MIA2: variants seen among roughly 807,000 people sequenced by gnomAD.
MIA2 encodes MIA SH3 domain ER export factor 2, also known as melanoma inhibitory activity protein 2.
A neutral mutation model predicts 167.8 loss-of-function variants in MIA2; 127 were observed. The observed-to-expected ratio is 0.76, with a 90% CI of 0.66 to 0.88. The LOEUF is 0.88. Ranked by LOEUF, MIA2 falls within the 40% of genes least tolerant of loss-of-function variation. MIA2 has a pLI of 0.00. For missense variants in MIA2, 1,690 were observed against 1,624.7 expected (o/e 1.04, Z -0.69); for synonymous variants, 552 against 541.9 (o/e 1.02, Z -0.26).
chr14:39,285,008 CT>C (rs1354596905), intron 9 of MIA2, among the ~76,000 whole-genome samples: 1 of 152,162 alleles, frequency 6.6e-6, no homozygotes, highest in African/African-American at 2.4e-5. Flanking sequence ...TTGCACCGCC[CT>C]TAATCCATTG....
At chr14:39,363,848 T>C (rs2074754671) in intron 23 of MIA2, among the ~76,000 whole-genome samples, 1 of 152,226 alleles carries the variant, frequency 6.6e-6, no homozygotes, top group South Asian at 2.1e-4. Flanking sequence ...TTGGTTTCTC[T>C]TCACATGGAG....
intron 23 of MIA2, among the ~76,000 whole-genome samples, chr14:39,371,071 G>A (rs1206172089): frequency 6.6e-6 from 1 of 151,762 alleles, no homozygotes; most frequent in Admixed American, 6.6e-5. Context: ...TCATTTTTAT[G>A]TTACGTAGTC....
rs1204809056 is a variant in MIA2 at position 39,248,130 on chromosome 14, A to G, written c.1556A>G (p.Tyr519Cys). 6.8e-7 allele frequency: 1 copy of G among 1,462,988 alleles called. No homozygotes were observed. The highest frequency in any genetic ancestry group is 1.4e-5 in the African/African-American group (1 of 70,014). The allele number at this position is 1,462,988 out of a possible 1,614,324, so 90.6% of individuals were successfully genotyped here. A position where few individuals can be genotyped will look rare whatever the true frequency, so the allele number is the denominator to read the frequency against. The change falls in exon 4 of 29, where the codon TAC (tyrosine) becomes TGC (cysteine). Residue 519 changes from tyrosine (Y) to cysteine (C), a missense_variant. By Grantham distance (194) the Tyr-to-Cys change is radical. Transcript: ENST00000640607. ...AAAGTTATGATATTCAAAAGTTCATACAGTCTGTCAGGTTGGTATGAAAAT... is the reference window on the plus strand; with the variant it reads ...AAAGTTATGATATTCAAAAGTTCATGCAGTCTGTCAGGTTGGTATGAAAAT... ...NTKVMIFKSSYSLSDMVSNIE... is the reference protein window; with the variant it reads ...NTKVMIFKSSCSLSDMVSNIE...
At chr14:39,262,866 G>T (rs1192186164) in intron 6 of MIA2, among the ~76,000 whole-genome samples, 1 of 152,104 alleles carries the variant, frequency 6.6e-6, no homozygotes, top group Non-Finnish European at 1.5e-5. Flanking sequence ...CATTGATTTT[G>T]TATCCTGAGA....
chr14:39,300,591 C>T (rs1467769874), intron 14 of MIA2, among the ~76,000 whole-genome samples: 1 of 144,096 alleles, frequency 6.9e-6, no homozygotes, highest in Non-Finnish European at 1.5e-5. Flanking sequence ...AAGTGATGCT[C>T]TCACTCATAG....
chr14:39,306,349 G>C (rs2063337888), intron 17 of MIA2, among the ~76,000 whole-genome samples: 2 of 152,172 alleles, frequency 1.3e-5, no homozygotes, highest in Non-Finnish European at 2.9e-5. Context: ...TGCTTCTGGG[G>C]AGGTGTCAGG....
chr14:39,263,876 C>T (rs895129784), intron 6 of MIA2, among the ~76,000 whole-genome samples: 2 of 152,080 alleles, frequency 1.3e-5, no homozygotes, highest in Admixed American at 6.6e-5. Context: ...TCGAGTGATT[C>T]GCCCGCCTTG....
chr14:39,286,309 G>C (rs182961876), intron 9 of MIA2, among the ~76,000 whole-genome samples: 266 of 152,218 alleles, frequency 1.7e-3, no homozygotes, highest in Non-Finnish European at 2.9e-3. Context: ...GTCAGGTGTG[G>C]TGGCGCGCGC....
chr14:39,238,870 T>A (rs2053917540), intron 2 of MIA2, among the ~76,000 whole-genome samples: 1 of 150,664 alleles, frequency 6.6e-6, no homozygotes, highest in African/African-American at 2.4e-5. Flanking sequence ...AGCTTTAGTA[T>A]GCTGAAATTC....
At chr14:39,379,623 G>A (rs991058278) in intron 23 of MIA2, among the ~76,000 whole-genome samples, 2 of 152,006 alleles carry the variant, frequency 1.3e-5, no homozygotes, top group Non-Finnish European at 2.9e-5. Context: ...AGGCTGAGGC[G>A]GGTGGATCAC....
chr14:39,320,919 T>C lies in MIA2; in HGVS notation c.3368-9T>C. The C allele has an allele frequency of 6.2e-7, 1 of 1,608,762 alleles. No individual in the cohort carries two copies. The highest frequency in any genetic ancestry group is 8.5e-7 in the Non-Finnish European group (1 of 1,178,554). On this transcript the variant is annotated splice_polypyrimidine_tract_variant and intron_variant, in intron 23 of 28. Transcript: ENST00000640607. ...TATGAATTTAAATATGCTGTTTTAA[T>C]TATTCCAGAGCATTCCCCATATGGT...
intron 23 of MIA2, among the ~76,000 whole-genome samples, chr14:39,377,041 C>T (rs2139345283): frequency 6.6e-6 from 1 of 152,240 alleles, no homozygotes; most frequent in East Asian, 1.9e-4. Context: ...TTTCACATTT[C>T]TCCCCACTTT....
chr14:39,249,513 T>C (rs1191146960), intron 4 of MIA2, among the ~76,000 whole-genome samples: 1 of 151,656 alleles, frequency 6.6e-6, no homozygotes, highest in Non-Finnish European at 1.5e-5. Flanking sequence ...TTCTTTAAGT[T>C]TCAAGGTAAT....
At chr14:39,385,578 G>C (rs141014297) in intron 23 of MIA2, 1 of 812,788 alleles carries the variant, frequency 1.2e-6, no homozygotes, top group South Asian at 1.3e-5. Context: ...AGGCGGGTAA[G>C]GATGAAACAA....
chr14:39,254,264 T>C (rs532483433), intron 6 of MIA2, among the ~76,000 whole-genome samples: 1 of 152,310 alleles, frequency 6.6e-6, no homozygotes, highest in Non-Finnish European at 1.5e-5. Flanking sequence ...GGAGAGAATA[T>C]GGCACTTTTG....
chr14:39,300,328 G>A (rs1272681977), intron 14 of MIA2, among the ~76,000 whole-genome samples: 6 of 152,166 alleles, frequency 3.9e-5, no homozygotes, highest in East Asian at 3.9e-4. Flanking sequence ...TGGATGTATA[G>A]TTATATATAT....
At chr14:39,265,624 G>A (rs924829724) in intron 6 of MIA2, 5 of 433,340 alleles carry the variant, frequency 1.2e-5, no homozygotes, top group African/African-American at 8.3e-5. Context: ...CTTAGGGAGG[G>A]CAAAGGGAGG....
At chr14:39,241,559 A>G (rs1322981215) in intron 3 of MIA2, among the ~76,000 whole-genome samples, 1 of 152,172 alleles carries the variant, frequency 6.6e-6, no homozygotes, top group Non-Finnish European at 1.5e-5. Flanking sequence ...GGCTCAAGCA[A>G]TCCTCCCGCC....
At chr14:39,278,784 A>G (rs11624150) in intron 7 of MIA2, among the ~76,000 whole-genome samples, 48,562 of 151,936 alleles carry the variant, frequency 0.32, 8,236 homozygotes, top group East Asian at 0.5. Flanking sequence ...AATGAAATTA[A>G]ACAAGTATCT....
Sources: gnomAD v4.1 joint callset for allele counts (sites outside exome capture counted in the v4.1 genomes callset) on GRCh38, gnomAD v4.1.1 for gene constraint, MANE v1.5 for transcripts, NCBI Gene and HGNC (gene_info 2026-07-23, HGNC 2026-07-21) for gene names.